Variants in CACNB2 observed in about 807,000 individuals in gnomAD.
CACNB2 encodes the protein calcium voltage-gated channel auxiliary subunit beta 2.
In CACNB2, 42 loss-of-function variants were observed where a neutral mutation model predicts 73.3. The ratio of observed to expected loss-of-function variants is 0.57; its 90% CI spans 0.45 to 0.74. The LOEUF is 0.74. Ranked by LOEUF, CACNB2 falls within the 30% of genes least tolerant of loss-of-function variation. CACNB2 has a pLI of 0.00. For synonymous variants in CACNB2, 348 were observed against 310.3 expected, an observed-to-expected ratio of 1.12 and a Z score of -1.28; for missense variants, 940 against 853.0, an observed-to-expected ratio of 1.10 and a Z score of -1.27.
intron 2 of CACNB2, chr10:18,181,765 C>A (rs1309078076): frequency 3.3e-5 from 5 of 149,876 alleles, no homozygotes; most frequent in South Asian, 2.1e-4. Context: ...TGGGCGCATG[C>A]AACTATATCC....
chr10:18,283,237 T>G lies in CACNB2; in HGVS notation c.214-118687T>G, dbSNP rs538943350. On this transcript the variant is annotated intron_variant, in intron 2 of 13. Transcript: ENST00000324631. ...ACTGTTGATGGGAGTGTAAACTAGTTCAACCATTGTGGAAGACAGTGTGGT... is the reference window on the plus strand; with the variant it reads ...ACTGTTGATGGGAGTGTAAACTAGTGCAACCATTGTGGAAGACAGTGTGGT... Among the ~76,000 whole-genome samples, 50 of 152,310 alleles carry G rather than the reference T, an allele frequency of 3.3e-4. No homozygotes were observed. The South Asian group carries it at 6.6e-3, about 20-fold the overall frequency.
chr10:18,171,521 GAAAAAAAAAAAAAAAAAAAAAAAAAAAA>G (rs2033233192), intron 2 of CACNB2, among the ~76,000 whole-genome samples: 1 of 32,588 alleles, frequency 3.1e-5, no homozygotes, highest in East Asian at 8.3e-4. Context: ...TTTGATAGCA[GAAAAAAAAAAAAAAAAAAAAAAAAAAAA>G]GGCTATTTGT....
At chr10:18,435,981 A>G (rs2046117264) in intron 3 of CACNB2, among the ~76,000 whole-genome samples, 1 of 152,210 alleles carries the variant, frequency 6.6e-6, no homozygotes, top group African/African-American at 2.4e-5. Context: ...TGCATAAATG[A>G]GCTTTTGAAA....
At chr10:18,203,383 C>T (rs999978507) in intron 2 of CACNB2, among the ~76,000 whole-genome samples, 2 of 152,196 alleles carry the variant, frequency 1.3e-5, no homozygotes, top group African/African-American at 4.8e-5. Flanking sequence ...TGGCATTAGT[C>T]ACTTTTCCTT....
At chr10:18,259,085 G>A (rs185475227) in intron 2 of CACNB2, among the ~76,000 whole-genome samples, 1 of 152,032 alleles carries the variant, frequency 6.6e-6, no homozygotes, top group East Asian at 1.9e-4. Flanking sequence ...AATTTTCACA[G>A]ACTATGTAGA....
rs1176531775 is a variant in CACNB2 at position 18,539,719 on chromosome 10, C to T, written c.1978C>T (p.Gln660Ter). 1 of 1,600,752 alleles carries T rather than the reference C, an allele frequency of 6.2e-7. No individual in the cohort carries two copies. Among genetic ancestry groups the T allele is most frequent in the Non-Finnish European group, 8.5e-7 (1 of 1,176,758 alleles). ...GEWNRDVYIR[Q>*] ...GTGGAACAGGGATGTTTACATCCGC[C>T]AATGAGTTTTGCCCGTTTGTGTTTT... The change falls in exon 14 of 14, where the codon CAA becomes TAA. Residue 660 changes from glutamine to a stop codon, truncating the protein, a stop_gained. Coordinates refer to ENST00000324631, the MANE Select transcript of CACNB2 (RefSeq NM_201596.3). LOFTEE classifies it high-confidence loss of function.
intron 2 of CACNB2, among the ~76,000 whole-genome samples, chr10:18,361,551 T>C (rs1220564309): frequency 1.3e-5 from 2 of 150,478 alleles, no homozygotes; most frequent in Non-Finnish European, 3.0e-5. Flanking sequence ...ATAAGTCCAA[T>C]TGCTTATCAT....
intron 2 of CACNB2, among the ~76,000 whole-genome samples, chr10:18,337,665 G>A (rs1383514292): frequency 1.3e-5 from 2 of 151,748 alleles, no homozygotes; most frequent in Admixed American, 1.3e-4. Flanking sequence ...CCTCACTAAC[G>A]CTTCCAAATA....
intron 2 of CACNB2, among the ~76,000 whole-genome samples, chr10:18,355,800 T>C (rs2041885104): frequency 2.0e-5 from 3 of 152,074 alleles, no homozygotes; most frequent in Admixed American, 2.0e-4. Flanking sequence ...CACGCCTGCC[T>C]CATTTTTTTG....
At chr10:18,349,372 G>A (rs2041609831) in intron 2 of CACNB2, among the ~76,000 whole-genome samples, 2 of 152,202 alleles carry the variant, frequency 1.3e-5, no homozygotes, top group Non-Finnish European at 1.5e-5. Flanking sequence ...AATGACCTAA[G>A]TTAATAGACC....
intron 3 of CACNB2, among the ~76,000 whole-genome samples, chr10:18,470,488 T>A (rs2048127390): frequency 6.7e-6 from 1 of 149,648 alleles, no homozygotes; most frequent in African/African-American, 2.5e-5. Context: ...ATATTACATA[T>A]GATATACTGG....
chr10:18,346,418 G>T (rs944723419), intron 2 of CACNB2, among the ~76,000 whole-genome samples: 1 of 152,078 alleles, frequency 6.6e-6, no homozygotes, highest in African/African-American at 2.4e-5. Context: ...GATTACGGGC[G>T]TGAGCCACTG....
At position 18,503,153 on chromosome 10, in the gene CACNB2, A is replaced by T. The variant is rs866634370; in HGVS notation, c.593+2205A>T. On this transcript the variant is annotated intron_variant, in intron 5 of 13. Transcript: ENST00000324631. The stretch of plus-strand genomic sequence containing the variant: ...AATGCATTTCTTAATGAGAAAAAAA[A>T]GTAAAGACATGCAGATGAACAGCGC... Among the ~76,000 whole-genome samples, 113 of 152,238 alleles carry T rather than the reference A, an allele frequency of 7.4e-4. 1 individual carries two copies. The highest frequency in any genetic ancestry group is 2.7e-3 in the African/African-American group (111 of 41,512).
At chr10:18,313,787 T>C (rs920540381) in intron 2 of CACNB2, among the ~76,000 whole-genome samples, 7 of 152,260 alleles carry the variant, frequency 4.6e-5, no homozygotes, top group African/African-American at 1.4e-4. Context: ...ATTGCAGATG[T>C]ATTCCATTGA....
chr10:18,384,763 C>G (rs931949790), intron 2 of CACNB2, among the ~76,000 whole-genome samples: 1 of 147,580 alleles, frequency 6.8e-6, no homozygotes, highest in Non-Finnish European at 1.5e-5. Flanking sequence ...ACAAAAAAAA[C>G]CCACAAAACC....
chr10:18,309,182 T>C (rs541215072), intron 2 of CACNB2, among the ~76,000 whole-genome samples: 1 of 152,328 alleles, frequency 6.6e-6, no homozygotes, highest in African/African-American at 2.4e-5. Context: ...TGTTATCTTA[T>C]TTTTTATATG....
chr10:18,428,705 A>C (rs977817935), intron 3 of CACNB2, among the ~76,000 whole-genome samples: 6 of 130,532 alleles, frequency 4.6e-5, no homozygotes, highest in Admixed American at 3.1e-4. Flanking sequence ...AAAAAAAAAA[A>C]AGGAATGATT....
intron 2 of CACNB2, among the ~76,000 whole-genome samples, chr10:18,270,370 A>G (rs918699987): frequency 1.8e-4 from 27 of 152,176 alleles, no homozygotes; most frequent in African/African-American, 6.5e-4. Flanking sequence ...GACAAAGCCA[A>G]ACTCTATCAG....
intron 2 of CACNB2, among the ~76,000 whole-genome samples, chr10:18,371,334 C>G (rs546064485): frequency 6.6e-6 from 1 of 152,022 alleles, no homozygotes; most frequent in Non-Finnish European, 1.5e-5. Flanking sequence ...TTAGGTATAT[C>G]TCCTAATGCT....
Sources: allele counts gnomAD v4.1 joint callset (sites outside exome capture counted in the v4.1 genomes callset), GRCh38; gene constraint gnomAD v4.1.1; transcripts MANE v1.5; gene names NCBI Gene and HGNC (gene_info 2026-07-23, HGNC 2026-07-21).